Variants in AP1S3 observed in about 807,000 individuals in gnomAD.
AP1S3 encodes the protein AP-1 complex subunit sigma-3.
Under a neutral mutation model 20.9 loss-of-function variants are expected in AP1S3, and 10 were observed. The observed-to-expected ratio is 0.48, with a 90% CI of 0.29 to 0.81. The LOEUF (loss-of-function observed/expected upper bound fraction) is 0.81. AP1S3 is among the 30% of genes least tolerant of loss of function. The probability of loss-of-function intolerance (pLI) is 0.08; values close to 1 mark genes in which losing one functional copy is unlikely to be tolerated. For synonymous variants in AP1S3, 41 were observed against 61.5 expected (o/e 0.67, Z 1.56); for missense variants, 154 against 183.8 (o/e 0.84, Z 0.94).
intron 1 of AP1S3, among the ~76,000 whole-genome samples, chr2:223,798,813 T>A (rs10209746): frequency 6.6e-6 from 1 of 152,046 alleles, no homozygotes; most frequent in African/African-American, 2.4e-5. Flanking sequence ...GGCTCATGCC[T>A]ATAATCCTAG....
At chr2:223,766,110 T>C (rs1477378982) in intron 3 of AP1S3, among the ~76,000 whole-genome samples, 1 of 152,140 alleles carries the variant, frequency 6.6e-6, no homozygotes, top group Non-Finnish European at 1.5e-5. Context: ...GCTGTCTTAC[T>C]CCCTACTTAT....
intron 3 of AP1S3, among the ~76,000 whole-genome samples, chr2:223,774,281 C>G (rs1247415675): frequency 6.6e-6 from 1 of 152,098 alleles, no homozygotes; most frequent in Non-Finnish European, 1.5e-5. Flanking sequence ...AGGAAGATCG[C>G]TTGAACTCGG....
At chr2:223,802,261 T>A (rs1009266468) in intron 1 of AP1S3, among the ~76,000 whole-genome samples, 1 of 151,970 alleles carries the variant, frequency 6.6e-6, no homozygotes, top group Admixed American at 6.6e-5. Flanking sequence ...ACAGTCACTA[T>A]CTGCTGGGCT....
chr2:223,795,418 C>A, intron 1 of AP1S3, among the ~76,000 whole-genome samples: 1 of 152,222 alleles, frequency 6.6e-6, no homozygotes, highest in East Asian at 1.9e-4. Context: ...GATTCACTGA[C>A]ATCTGCCAGT....
Position 223,755,501 on chromosome 2 carries a change from T to C in AP1S3, c.*3214A>G, listed in dbSNP as rs924018778. ...AAAATCCCTCAAATTTACCCCACTG[T>C]GCCATATAGATATGTTTACTTACTT... On this transcript the variant is annotated 3_prime_UTR_variant, in exon 5 of 5. Coordinates refer to ENST00000396654, the MANE Select transcript of AP1S3 (RefSeq NM_001039569.2). Among the ~76,000 whole-genome samples, 3 of 151,372 alleles carry C rather than the reference T, an allele frequency of 2.0e-5. No individual in the cohort carries two copies. The highest frequency in any genetic ancestry group is 4.4e-5 in the Non-Finnish European group (3 of 67,926).
chr2:223,756,890 T>A lies in AP1S3; in HGVS notation c.*1825A>T. 1 of 985,246 alleles carries A rather than the reference T, an allele frequency of 1.0e-6. No individual in the cohort carries two copies. The highest frequency in any genetic ancestry group is 1.2e-6 in the Non-Finnish European group (1 of 829,912). The allele number at this position is 985,246 out of a possible 1,614,324, so 61.0% of individuals were successfully genotyped here. On this transcript the variant is annotated 3_prime_UTR_variant, in exon 5 of 5. Transcript: ENST00000396654. ...CACTGGAGGTCCCAAACCACTCTAA[T>A]ATGAATGATACCAGACCTCAAAGCT...
At chr2:223,837,342 C>G (rs1269332284) in intron 1 of AP1S3, 106 bp downstream of exon 1, 1 of 543,488 alleles carries the variant, frequency 1.8e-6, no homozygotes, top group African/African-American at 2.0e-5. Flanking sequence ...CGGGACTCGG[C>G]CCGCACCCCC....
chr2:223,792,553 T>C (rs1302109953), intron 1 of AP1S3, among the ~76,000 whole-genome samples: 1 of 152,146 alleles, frequency 6.6e-6, no homozygotes, highest in Admixed American at 6.6e-5. Context: ...GCTCCTTCCT[T>C]ATACCATATA....
chr2:223,760,304 T>G (rs987030698), intron 4 of AP1S3, among the ~76,000 whole-genome samples: 1 of 152,328 alleles, frequency 6.6e-6, no homozygotes, highest in South Asian at 2.1e-4. Context: ...ATATGATTCA[T>G]GTGAACCTGC....
chr2:223,775,918 C>T lies in AP1S3; in HGVS notation c.274G>A (p.Asp92Asn). Residue 92 changes from aspartate (D) to asparagine (N), a missense_variant, in exon 3 of 5, where the codon GAC becomes AAC. By Grantham distance (23) the Asp-to-Asn change is conservative. Coordinates refer to ENST00000396654, the MANE Select transcript of AP1S3 (RefSeq NM_001039569.2). ...EIVHRYVELLDKYFGNVCELD... is the reference protein window; with the variant it reads ...EIVHRYVELLNKYFGNVCELD... ...ACACTTACATTTCCAAAATATTTGT[C>T]CAGCAGCTCCACGTAACGATGCACA... The T allele has an allele frequency of 1.9e-6, 3 of 1,614,022 alleles. No homozygotes were observed. Among genetic ancestry groups the T allele is most frequent in the Non-Finnish European group, 2.5e-6 (3 of 1,179,938 alleles).
rs1690223893 is a variant in AP1S3 at position 223,756,470 on chromosome 2, GAA to G, written c.*2243_*2244del. 1.6e-5 allele frequency: 14 copies of G among 865,628 alleles called. No homozygotes were observed. The South Asian group carries it at 7.2e-4, about 44-fold the overall frequency. The allele number at this position is 865,628 out of a possible 1,614,324, so 53.6% of individuals were successfully genotyped here. On this transcript the variant is annotated 3_prime_UTR_variant, in exon 5 of 5. Transcript: ENST00000396654. ...AAGGAAAAGAAAGAAAGAAAGAAAA[GAA>G]AGAAAGAAAGAAAAAAAGAAAGAAA...
Position 223,785,002 on chromosome 2 carries a change from A to T in AP1S3, c.4-7133T>A, listed in dbSNP as rs191326955. On this transcript the variant is annotated intron_variant, in intron 1 of 4. Coordinates refer to ENST00000396654, the MANE Select transcript of AP1S3 (RefSeq NM_001039569.2). Reference sequence around the variant, plus strand: ...GATCCAATAATAGAGTTTAAATGATATTTACTAAATAGTTTCAACAAAGTA... The same window carrying T: ...GATCCAATAATAGAGTTTAAATGATTTTTACTAAATAGTTTCAACAAAGTA... Among the ~76,000 whole-genome samples, 109 of 152,302 alleles carry T rather than the reference A, an allele frequency of 7.2e-4. No homozygotes were observed. In the East Asian group the frequency reaches 0.019, roughly 26 times the overall value.
Position 223,794,332 on chromosome 2 carries a change from G to A in AP1S3, c.4-16463C>T, listed in dbSNP as rs542825698. ...TGCGCCACTGCACTCCAGTCTGGGCGACACAGAGAGACTCTGTGTCAAAAA... is the reference window on the plus strand; with the variant it reads ...TGCGCCACTGCACTCCAGTCTGGGCAACACAGAGAGACTCTGTGTCAAAAA... On this transcript the variant is annotated intron_variant, in intron 1 of 4. Coordinates refer to ENST00000396654, the MANE Select transcript of AP1S3 (RefSeq NM_001039569.2). Among the ~76,000 whole-genome samples the A allele has an allele frequency of 5.3e-5, 8 of 151,520 alleles. No individual in the cohort carries two copies. The East Asian group carries it at 7.8e-4, about 15-fold the overall frequency.
At chr2:223,779,607 T>C (rs1452832249) in intron 1 of AP1S3, among the ~76,000 whole-genome samples, 1 of 152,136 alleles carries the variant, frequency 6.6e-6, no homozygotes, top group African/African-American at 2.4e-5. Flanking sequence ...AGTTGTGTCA[T>C]GAAGGAAATT....
At chr2:223,826,866 T>G (rs1449633122) in intron 1 of AP1S3, among the ~76,000 whole-genome samples, 1 of 152,150 alleles carries the variant, frequency 6.6e-6, no homozygotes, top group Non-Finnish European at 1.5e-5. Context: ...CTATGCTTAC[T>G]ATGCTAAACT....
chr2:223,777,048 T>C (rs1690799622), intron 2 of AP1S3, among the ~76,000 whole-genome samples: 2 of 152,238 alleles, frequency 1.3e-5, no homozygotes, highest in South Asian at 4.1e-4. Context: ...GTATACTACA[T>C]GACAGCAGGA....
At chr2:223,800,000 A>C (rs929103776) in intron 1 of AP1S3, among the ~76,000 whole-genome samples, 8 of 152,204 alleles carry the variant, frequency 5.3e-5, no homozygotes, top group South Asian at 4.2e-4. Context: ...GGATCACTTG[A>C]GGTCAGGAGT....
intron 3 of AP1S3, among the ~76,000 whole-genome samples, chr2:223,775,025 T>C (rs1175639986): frequency 3.5e-5 from 1 of 28,736 alleles, no homozygotes; most frequent in East Asian, 2.5e-3. Flanking sequence ...CAGAAATCAA[T>C]GTCATGGCAA....
rs527550327 is a variant in AP1S3 at position 223,780,308 on chromosome 2, TAGAG to T, written c.4-2443_4-2440del. 8.1e-3 allele frequency among the ~76,000 whole-genome samples: 499 copies of T among 61,486 alleles called. 8 individuals carry two copies. Among genetic ancestry groups the T allele is most frequent in the African/African-American group, 0.013 (172 of 13,250 alleles). 40.3% of individuals were successfully genotyped at this position (61,486 alleles called of 152,430 possible). A position where few individuals can be genotyped will look rare whatever the true frequency, so the allele number is the denominator to read the frequency against. On this transcript the variant is annotated intron_variant, in intron 1 of 4. Transcript: ENST00000396654. ...ATATATATATATATATATATATATA[TAGAG>T]AGAGAGAGAGAGAGAGAGAGAGAGA...
Sources: allele counts gnomAD v4.1 joint callset (sites outside exome capture counted in the v4.1 genomes callset), GRCh38; gene constraint gnomAD v4.1.1; transcripts MANE v1.5; gene names NCBI Gene and HGNC (gene_info 2026-07-23, HGNC 2026-07-21).